CDH12: variants seen among roughly 807,000 people sequenced by gnomAD.
The protein encoded by CDH12 is cadherin 12.
Under a neutral mutation model 74.1 loss-of-function variants are expected in CDH12, and 41 were observed. The ratio of observed to expected loss-of-function variants is 0.55; its 90% CI spans 0.43 to 0.72. CDH12 has a LOEUF of 0.72. Among genes scored for constraint, CDH12 ranks in the 30% least tolerant of loss-of-function variants. The probability of loss-of-function intolerance (pLI) is 0.00; values close to 1 mark genes in which losing one functional copy is unlikely to be tolerated. For missense variants in CDH12, 945 were observed against 977.2 expected (o/e 0.97, Z 0.44); for synonymous variants, 399 against 355.0 (o/e 1.12, Z -1.39).
At chr5:22,815,721 G>T (rs1202175953) in intron 1 of CDH12, among the ~76,000 whole-genome samples, 1 of 140,124 alleles carries the variant, frequency 7.1e-6, no homozygotes, top group Non-Finnish European at 1.5e-5. Flanking sequence ...AGTGAGCTGA[G>T]ATCATGCTGC....
At chr5:21,786,684 T>TTCTTATATATATATATATATATA (rs1365900384) in intron 10 of CDH12, among the ~76,000 whole-genome samples, 1 of 152,200 alleles carries the variant, frequency 6.6e-6, no homozygotes, top group African/African-American at 2.4e-5. Flanking sequence ...GAAATACAGT[T>TTCTTATATATATATATATATATA]TGTAAGGCTA....
chr5:22,236,141 G>C (rs1439568396), intron 3 of CDH12, among the ~76,000 whole-genome samples: 3 of 152,204 alleles, frequency 2.0e-5, no homozygotes, highest in African/African-American at 7.2e-5. Flanking sequence ...AGTAGTGTGT[G>C]AGCAGCGAAT....
chr5:22,587,140 A>C (rs11740599), intron 1 of CDH12, among the ~76,000 whole-genome samples: 1 of 151,954 alleles, frequency 6.6e-6, no homozygotes, highest in Admixed American at 6.6e-5. Context: ...ACAGCCTAGA[A>C]GTGGACTTTT....
rs377529892 is a variant in CDH12, at chr5:22,435,056, T to C, written c.-427-29705A>G. On this transcript the variant is annotated intron_variant, in intron 2 of 14. Coordinates refer to ENST00000382254, the MANE Select transcript of CDH12 (RefSeq NM_004061.5). Reference sequence around the variant, plus strand: ...TGATTGGATTGAAGGATGCAAAGTATTGATCCTGGGGATGTCTGTGAGGGT... The same window carrying C: ...TGATTGGATTGAAGGATGCAAAGTACTGATCCTGGGGATGTCTGTGAGGGT... 7.1e-4 allele frequency among the ~76,000 whole-genome samples: 108 copies of C among 152,258 alleles called. No homozygotes were observed. In the South Asian group the frequency reaches 0.02, roughly 29 times the overall value.
chr5:22,716,222 T>C lies in CDH12; in HGVS notation c.-523+136836A>G, dbSNP rs142748954. Among the ~76,000 whole-genome samples the C allele has an allele frequency of 4.2e-3, 634 of 152,134 alleles. 7 individuals carry two copies. In the Middle Eastern group the frequency reaches 0.051, roughly 12 times the overall value. On this transcript the variant is annotated intron_variant, in intron 1 of 14. Transcript: ENST00000382254. ...GAAGACTAGAAGTAAACCCAAAATA[T>C]TAACAGAATCAGTGTGAAGAGAGGA...
intron 8 of CDH12, 80 bp downstream of exon 8, chr5:21,842,081 G>T (rs1326961490): frequency 1.9e-6 from 2 of 1,033,450 alleles, no homozygotes; most frequent in Non-Finnish European, 1.4e-6. Context: ...GAAAATGATT[G>T]TCATTCCCAT....
At chr5:22,070,143 T>C (rs1166000311) in intron 5 of CDH12, among the ~76,000 whole-genome samples, 3 of 152,116 alleles carry the variant, frequency 2.0e-5, no homozygotes, top group African/African-American at 4.8e-5. Flanking sequence ...GAACACAAAA[T>C]GTATTGACTT....
intron 1 of CDH12, among the ~76,000 whole-genome samples, chr5:22,708,534 G>A (rs374464716): frequency 2.0e-4 from 31 of 152,154 alleles, no homozygotes; most frequent in African/African-American, 6.8e-4. Context: ...CTGAGACAAA[G>A]GGTATGGTGT....
In CDH12 at chr5:22,083,035, T is replaced by C. The variant is rs1400559444; in HGVS notation, c.-186-4173A>G. On this transcript the variant is annotated intron_variant, in intron 4 of 14. Coordinates refer to ENST00000382254, the MANE Select transcript of CDH12 (RefSeq NM_004061.5). ...CTGATATTTTCATTGGGATGGTGAT[T>C]GCTAGTGGCAATTGCATGAGTTTTG... Among the ~76,000 whole-genome samples, 3 of 152,226 alleles carry C rather than the reference T, an allele frequency of 2.0e-5. No homozygotes were observed. The East Asian group carries it at 5.8e-4, about 29-fold the overall frequency.
intron 2 of CDH12, among the ~76,000 whole-genome samples, chr5:22,483,255 C>A (rs920021351): frequency 6.6e-6 from 1 of 152,114 alleles, no homozygotes. Context: ...TTTTAAGACA[C>A]TTCTGCTGTC....
chr5:22,819,485 T>A (rs1328349574), intron 1 of CDH12, among the ~76,000 whole-genome samples: 1 of 152,164 alleles, frequency 6.6e-6, no homozygotes, highest in Non-Finnish European at 1.5e-5. Flanking sequence ...ATTTAAAATA[T>A]TCTGGGCTAC....
intron 3 of CDH12, among the ~76,000 whole-genome samples, chr5:22,251,165 C>T (rs1561255789): frequency 6.6e-6 from 1 of 152,018 alleles, no homozygotes; most frequent in Non-Finnish European, 1.5e-5. Context: ...TTATTTTTGT[C>T]TTATTTCTTT....
At chr5:22,681,255 GTGTGTGTGTA>G (rs1561573540) in intron 1 of CDH12, among the ~76,000 whole-genome samples, 2 of 151,398 alleles carry the variant, frequency 1.3e-5, no homozygotes, top group African/African-American at 4.8e-5. Context: ...GTGTGTGTGT[GTGTGTGTGTA>G]TTAGATAAGT....
intron 4 of CDH12, among the ~76,000 whole-genome samples, chr5:22,211,233 C>A (rs1408855186): frequency 6.6e-6 from 1 of 152,054 alleles, no homozygotes; most frequent in Non-Finnish European, 1.5e-5. Flanking sequence ...CTGAAAAGCA[C>A]ACTTGAGATA....
chr5:22,230,621 C>T (rs1197696633), intron 3 of CDH12, among the ~76,000 whole-genome samples: 3 of 151,874 alleles, frequency 2.0e-5, no homozygotes, highest in African/African-American at 7.3e-5. Flanking sequence ...CAGGTGCACG[C>T]CACCATGCCC....
intron 4 of CDH12, among the ~76,000 whole-genome samples, chr5:22,205,826 C>T (rs1751186514): frequency 6.6e-6 from 1 of 152,024 alleles, no homozygotes; most frequent in Non-Finnish European, 1.5e-5. Flanking sequence ...GGAAGGGAGA[C>T]TGGAGAAGCA....
intron 1 of CDH12, among the ~76,000 whole-genome samples, chr5:22,760,859 A>G (rs1232813715): frequency 6.6e-6 from 1 of 152,114 alleles, no homozygotes; most frequent in Admixed American, 6.6e-5. Context: ...CTGTGGTATG[A>G]TCCTATACGT....
chr5:22,368,642 G>A lies in CDH12; in HGVS notation c.-333+36615C>T, dbSNP rs554606232. ...TAATTTCACAATTCTAAAACAATTTGCCTTAACATATATCTATAGTAATAG... is the reference window on the plus strand; with the variant it reads ...TAATTTCACAATTCTAAAACAATTTACCTTAACATATATCTATAGTAATAG... On this transcript the variant is annotated intron_variant, in intron 3 of 14. Coordinates refer to ENST00000382254, the MANE Select transcript of CDH12 (RefSeq NM_004061.5). Among the ~76,000 whole-genome samples, 13 of 152,080 alleles carry A rather than the reference G, an allele frequency of 8.5e-5. No individual in the cohort carries two copies. In the South Asian group the frequency reaches 2.1e-3, roughly 24 times the overall value.
intron 11 of CDH12, among the ~76,000 whole-genome samples, chr5:21,776,267 A>G (rs1174897092): frequency 6.6e-6 from 1 of 152,200 alleles, no homozygotes; most frequent in Non-Finnish European, 1.5e-5. Flanking sequence ...TCAACCACTG[A>G]GTCAACTTAA....
Sources: allele counts gnomAD v4.1 joint callset (sites outside exome capture counted in the v4.1 genomes callset), GRCh38; gene constraint gnomAD v4.1.1; transcripts MANE v1.5; gene names NCBI Gene and HGNC (gene_info 2026-07-23, HGNC 2026-07-21).